USH2A: variants seen among roughly 807,000 people sequenced by gnomAD.
USH2A encodes the protein usherin, also known as Usher syndrome 2A (autosomal recessive, mild).
Under a neutral mutation model 538.9 loss-of-function variants are expected in USH2A, and 443 were observed. That is an observed-to-expected ratio of 0.82 (90% CI 0.76 to 0.89). USH2A has a LOEUF of 0.89. USH2A is among the 40% of genes least tolerant of loss of function. The pLI is 0.00. For missense variants in USH2A, 6,633 were observed against 6,324.8 expected (o/e 1.05, Z -1.65); for synonymous variants, 2,413 against 2,273.5 (o/e 1.06, Z -1.75).
At chr1:215,851,592 C>T (rs923426318) in intron 44 of USH2A, among the ~76,000 whole-genome samples, 6 of 152,126 alleles carry the variant, frequency 3.9e-5, no homozygotes, top group East Asian at 1.9e-4. Flanking sequence ...AGATTCACAG[C>T]GGAATTCTAT....
At chr1:215,793,844 T>G (rs1273041941) in intron 50 of USH2A, among the ~76,000 whole-genome samples, 3 of 152,184 alleles carry the variant, frequency 2.0e-5, no homozygotes, top group Non-Finnish European at 4.4e-5. Context: ...TATTCCAAAG[T>G]CATCTCATGA....
Position 215,764,540 on chromosome 1 carries a change from G to T in USH2A, c.11047+2141C>A, listed in dbSNP as rs540428515. Among the ~76,000 whole-genome samples the T allele has an allele frequency of 8.5e-5, 13 of 152,272 alleles. No individual in the cohort carries two copies. In the East Asian group the frequency reaches 2.3e-3, roughly 27 times the overall value. ...AGAGAACTGTGTCCAACTTGTCAAT[G>T]AGGTTGTAATGTACATTGACTTTTT... On this transcript the variant is annotated intron_variant, in intron 56 of 71. Transcript: ENST00000307340.
chr1:215,952,773 T>C (rs1410650487), intron 37 of USH2A, among the ~76,000 whole-genome samples: 2 of 152,242 alleles, frequency 1.3e-5, no homozygotes, highest in Non-Finnish European at 2.9e-5. Flanking sequence ...GGGCTTCCCT[T>C]TGTGGGTAAC....
chr1:216,164,327 A>G (rs1003666729), intron 21 of USH2A, among the ~76,000 whole-genome samples: 14 of 152,148 alleles, frequency 9.2e-5, no homozygotes, highest in African/African-American at 3.4e-4. Flanking sequence ...AAAGGAAAAA[A>G]TGGCACCAAT....
chr1:215,928,176 A>C (rs533565512), intron 38 of USH2A, among the ~76,000 whole-genome samples: 1 of 152,218 alleles, frequency 6.6e-6, no homozygotes, highest in Non-Finnish European at 1.5e-5. Context: ...TAGATTTGAG[A>C]AATAGCTAAG....
chr1:215,941,277 A>T (rs1179708806), intron 37 of USH2A, among the ~76,000 whole-genome samples: 1 of 152,142 alleles, frequency 6.6e-6, no homozygotes, highest in South Asian at 2.1e-4. Context: ...TATAAAGTTC[A>T]CTACGATATA....
At chr1:216,220,101 A>G (rs945386451) in intron 14 of USH2A, among the ~76,000 whole-genome samples, 43 of 152,082 alleles carry the variant, frequency 2.8e-4, no homozygotes, top group African/African-American at 1.0e-3. Context: ...AATGAAAGGA[A>G]TATGTTTCAG....
chr1:216,262,339 G>A (rs1220373060), intron 11 of USH2A, among the ~76,000 whole-genome samples: 2 of 152,032 alleles, frequency 1.3e-5, no homozygotes, highest in Non-Finnish European at 2.9e-5. Flanking sequence ...AAGAATTCAT[G>A]ATCTAAATCA....
intron 58 of USH2A, among the ~76,000 whole-genome samples, chr1:215,747,915 C>G (rs563432476): frequency 6.8e-6 from 1 of 146,246 alleles, no homozygotes; most frequent in Non-Finnish European, 1.5e-5. Context: ...GACGGAGTCT[C>G]GCTCTGTCGC....
At chr1:215,794,737 G>A (rs775372836) in intron 50 of USH2A, among the ~76,000 whole-genome samples, 3 of 152,218 alleles carry the variant, frequency 2.0e-5, no homozygotes, top group Non-Finnish European at 2.9e-5. Flanking sequence ...TGATTCGCAA[G>A]AGTTGAGGGC....
chr1:215,988,172 C>T (rs1031893858), intron 35 of USH2A, among the ~76,000 whole-genome samples: 1 of 151,980 alleles, frequency 6.6e-6, no homozygotes, highest in African/African-American at 2.4e-5. Flanking sequence ...ACCCATTGAA[C>T]AGCAACTCTC....
chr1:216,213,785 A>G (rs1427068298), intron 15 of USH2A, among the ~76,000 whole-genome samples: 1 of 152,064 alleles, frequency 6.6e-6, no homozygotes, highest in Non-Finnish European at 1.5e-5. Flanking sequence ...TACCAATAAA[A>G]AAAATGAAAA....
intron 32 of USH2A, among the ~76,000 whole-genome samples, chr1:216,015,022 G>T (rs1260453957): frequency 6.6e-6 from 1 of 152,042 alleles, no homozygotes; most frequent in Non-Finnish European, 1.5e-5. Context: ...AATACATATT[G>T]TCTGGGTCTT....
At chr1:215,791,586 G>C (rs1215702712) in intron 50 of USH2A, among the ~76,000 whole-genome samples, 2 of 152,264 alleles carry the variant, frequency 1.3e-5, no homozygotes, top group East Asian at 3.9e-4. Flanking sequence ...GATATACACT[G>C]ATTCTAACAG....
chr1:216,150,273 A>C (rs966689431), intron 21 of USH2A, among the ~76,000 whole-genome samples: 4 of 151,702 alleles, frequency 2.6e-5, no homozygotes, highest in Middle Eastern at 3.4e-3. Flanking sequence ...GCCACTCTTA[A>C]CTCCCTCTTA....
intron 32 of USH2A, among the ~76,000 whole-genome samples, chr1:216,031,477 C>T (rs979585412): frequency 5.3e-5 from 8 of 152,166 alleles, no homozygotes; most frequent in Admixed American, 2.0e-4. Flanking sequence ...AAACATAATG[C>T]GTTTCTCTCC....
chr1:215,689,041 G>A (rs1340592920), intron 61 of USH2A, among the ~76,000 whole-genome samples: 2 of 150,756 alleles, frequency 1.3e-5, no homozygotes, highest in African/African-American at 4.8e-5. Flanking sequence ...GAAGGCAAGG[G>A]AAAGAGAGGA....
rs902768098 is a variant in USH2A at position 215,786,587 on chromosome 1, T to C, written c.10387+83A>G. The C allele has an allele frequency of 2.1e-6, 3 of 1,439,128 alleles. No individual in the cohort carries two copies. In the African/African-American group the frequency reaches 4.2e-5, roughly 20 times the overall value. The allele number at this position is 1,439,128 out of a possible 1,614,324, so 89.1% of individuals were successfully genotyped here. A position where few individuals can be genotyped will look rare whatever the true frequency, so the allele number is the denominator to read the frequency against. On this transcript the variant is annotated intron_variant, in intron 52 of 71. Coordinates refer to ENST00000307340, the MANE Select transcript of USH2A (RefSeq NM_206933.4). ...CTGATATCAGTTTAAGGAGAGTTGA[T>C]GTCAGAGTGAAATAAATCTGCATTT...
At chr1:216,365,713 T>C (rs2102709581) in intron 3 of USH2A, among the ~76,000 whole-genome samples, 2 of 152,296 alleles carry the variant, frequency 1.3e-5, no homozygotes, top group Middle Eastern at 6.8e-3. Flanking sequence ...GAGAATGTTT[T>C]TTTCTCTGCA....
Sources: allele counts gnomAD v4.1 joint callset (sites outside exome capture counted in the v4.1 genomes callset), GRCh38; gene constraint gnomAD v4.1.1; transcripts MANE v1.5; gene names NCBI Gene and HGNC (gene_info 2026-07-23, HGNC 2026-07-21).